ACTN4: variants seen among roughly 807,000 people sequenced by gnomAD.
ACTN4 encodes the protein alpha-actinin-4.
A neutral mutation model predicts 114.2 loss-of-function variants in ACTN4; 18 were observed. The ratio of observed to expected loss-of-function variants is 0.16; its 90% CI spans 0.11 to 0.23. The LOEUF (loss-of-function observed/expected upper bound fraction) is 0.23. Among genes scored for constraint, ACTN4 ranks in the 10% least tolerant of loss-of-function variants. The probability of loss-of-function intolerance (pLI) is 1.00; values close to 1 mark genes in which losing one functional copy is unlikely to be tolerated. For synonymous variants in ACTN4, 515 were observed against 506.3 expected, an observed-to-expected ratio of 1.02 and a Z score of -0.23; for missense variants, 722 against 1,262.9, an observed-to-expected ratio of 0.57 and a Z score of 6.49.
intron 1 of ACTN4, among the ~76,000 whole-genome samples, chr19:38,670,184 G>A (rs1035790555): frequency 6.6e-6 from 1 of 152,148 alleles, no homozygotes; most frequent in African/African-American, 2.4e-5. Flanking sequence ...AGGAAACTTG[G>A]TGTTTCCACT....
intron 5 of ACTN4, among the ~76,000 whole-genome samples, chr19:38,707,475 T>C (rs1312557343): frequency 6.6e-6 from 1 of 152,132 alleles, no homozygotes; most frequent in Non-Finnish European, 1.5e-5. Flanking sequence ...ACATCGAGCT[T>C]GACCTCAGAG....
intron 1 of ACTN4, among the ~76,000 whole-genome samples, chr19:38,654,263 C>T (rs1976648276): frequency 6.6e-6 from 1 of 152,132 alleles, no homozygotes. Flanking sequence ...GATCCCGCCT[C>T]CTCCAGAAAG....
chr19:38,730,598 A>G lies in ACTN4; in HGVS notation c.*1166A>G, dbSNP rs576315249. 2 of 573,040 alleles carry G rather than the reference A, an allele frequency of 3.5e-6. No individual in the cohort carries two copies. Among genetic ancestry groups the G allele is most frequent in the South Asian group, 2.2e-5 (1 of 45,546 alleles). 35.5% of individuals were successfully genotyped at this position (573,040 alleles called of 1,614,324 possible). A position where few individuals can be genotyped will look rare whatever the true frequency, so the allele number is the denominator to read the frequency against. On this transcript the variant is annotated 3_prime_UTR_variant, in exon 21 of 21. Coordinates refer to ENST00000252699, the MANE Select transcript of ACTN4 (RefSeq NM_004924.6). The stretch of plus-strand genomic sequence containing the variant: ...CTCCACCTTCTAGGAGAGCCAGGGC[A>G]GAGCTAGCACTGTCTTAAGCTGTCA...
At chr19:38,692,996 T>G (rs1324013030) in intron 1 of ACTN4, among the ~76,000 whole-genome samples, 1 of 152,300 alleles carries the variant, frequency 6.6e-6, no homozygotes, top group East Asian at 1.9e-4. Context: ...TCCGGGTACC[T>G]GGGGTTGGGG....
At chr19:38,666,523 A>T (rs1966965883) in intron 1 of ACTN4, among the ~76,000 whole-genome samples, 1 of 152,232 alleles carries the variant, frequency 6.6e-6, no homozygotes, top group African/African-American at 2.4e-5. Context: ...AGTCAGCTGC[A>T]TCTCCAGTTG....
At chr19:38,677,355 A>G (rs12327664) in intron 1 of ACTN4, among the ~76,000 whole-genome samples, 27 of 134,180 alleles carry the variant, frequency 2.0e-4, no homozygotes, top group African/African-American at 6.4e-4. Context: ...TATGTATTGA[A>G]TGAATAGATA....
rs551399646 is a variant in ACTN4, at chr19:38,661,605, A to AT, written c.162+13706dup. Among the ~76,000 whole-genome samples, 15 of 152,122 alleles carry AT rather than the reference A, an allele frequency of 9.9e-5. No individual in the cohort carries two copies. The South Asian group carries it at 1.7e-3, about 17-fold the overall frequency. On this transcript the variant is annotated intron_variant, in intron 1 of 20. Coordinates refer to ENST00000252699, the MANE Select transcript of ACTN4 (RefSeq NM_004924.6). ...TTGAAGTTGGAAGCCAGGAAGCCTGATTTTTTTTCCAATAAGTATTGTAGA... is the reference window on the plus strand; with the variant it reads ...TTGAAGTTGGAAGCCAGGAAGCCTGATTTTTTTTTCCAATAAGTATTGTAGA...
chr19:38,705,235 T>C (rs111622170), intron 4 of ACTN4, among the ~76,000 whole-genome samples: 2 of 152,278 alleles, frequency 1.3e-5, no homozygotes, highest in African/African-American at 4.8e-5. Context: ...GTGCCTTTGC[T>C]CTCACAGCCT....
chr19:38,712,249 G>T (rs1320068030), intron 8 of ACTN4, among the ~76,000 whole-genome samples: 8 of 152,074 alleles, frequency 5.3e-5, no homozygotes, highest in South Asian at 2.1e-4. Flanking sequence ...AACTAGAAGG[G>T]GGGGGCCGTA....
Position 38,652,913 on chromosome 19 carries a change from C to T in ACTN4, c.162+5006C>T, listed in dbSNP as rs1426554951. ...CCAGCCTGGCCAACATGGTGAAACC[C>T]CGTCTCTACCAATAATACAAAAATT... On this transcript the variant is annotated intron_variant, in intron 1 of 20. Coordinates refer to ENST00000252699, the MANE Select transcript of ACTN4 (RefSeq NM_004924.6). Among the ~76,000 whole-genome samples, 3 of 151,978 alleles carry T rather than the reference C, an allele frequency of 2.0e-5. No homozygotes were observed. In the East Asian group the frequency reaches 5.8e-4, roughly 29 times the overall value.
At chr19:38,672,575 T>C (rs1320645326) in intron 1 of ACTN4, among the ~76,000 whole-genome samples, 1 of 151,250 alleles carries the variant, frequency 6.6e-6, no homozygotes, top group East Asian at 2.0e-4. Flanking sequence ...TCTTTGTTTG[T>C]TTGTTTGTTT....
In ACTN4 at chr19:38,674,161, CAG is replaced by C. The variant is rs558942179; in HGVS notation, c.162+26255_162+26256del. ...TTGCAATAGATTGTGTGGGAGCTGT[CAG>C]GGGAGACTTTCCAAGATGATGACAG... is the stretch of plus-strand genomic sequence containing the variant. On this transcript the variant is annotated intron_variant, in intron 1 of 20. Coordinates refer to ENST00000252699, the MANE Select transcript of ACTN4 (RefSeq NM_004924.6). Among the ~76,000 whole-genome samples the C allele has an allele frequency of 2.4e-3, 364 of 152,088 alleles. 2 individuals carry two copies. The highest frequency in any genetic ancestry group is 8.3e-3 in the African/African-American group (346 of 41,456).
chr19:38,649,332 T>C (rs1976488394), intron 1 of ACTN4, among the ~76,000 whole-genome samples: 1 of 117,336 alleles, frequency 8.5e-6, no homozygotes, highest in African/African-American at 3.3e-5. Flanking sequence ...CAGGAAGAGC[T>C]AAAGAAAGGA....
intron 1 of ACTN4, among the ~76,000 whole-genome samples, chr19:38,662,420 G>A (rs1396558870): frequency 6.6e-6 from 1 of 152,162 alleles, no homozygotes; most frequent in Non-Finnish European, 1.5e-5. Context: ...AGAGTATAAC[G>A]GAGCAAATGA....
chr19:38,666,875 G>C (rs1966978619), intron 1 of ACTN4, among the ~76,000 whole-genome samples: 1 of 152,106 alleles, frequency 6.6e-6, no homozygotes. Context: ...GGTAGGGACT[G>C]ACTGGGCCCA....
At chr19:38,709,948 C>T (rs1452820105) in intron 7 of ACTN4, among the ~76,000 whole-genome samples, 1 of 152,196 alleles carries the variant, frequency 6.6e-6, no homozygotes, top group Non-Finnish European at 1.5e-5. Flanking sequence ...CCTAGCCATG[C>T]ACTGCCCCAG....
At chr19:38,654,284 G>T (rs1406698908) in intron 1 of ACTN4, among the ~76,000 whole-genome samples, 1 of 152,160 alleles carries the variant, frequency 6.6e-6, no homozygotes, top group Non-Finnish European at 1.5e-5. Context: ...TGAAATCGCC[G>T]GGTGTGGTGG....
Position 38,717,040 on chromosome 19 carries a change from T to C in ACTN4, c.913-46T>C. Reference sequence around the variant, plus strand: ...AAGCTGGGGGGCAGCCCGTCAGCACTCTGAGGGTCCCCCACAAAGGCCACG... The same window carrying C: ...AAGCTGGGGGGCAGCCCGTCAGCACCCTGAGGGTCCCCCACAAAGGCCACG... On this transcript the variant is annotated intron_variant, in intron 9 of 20. Coordinates refer to ENST00000252699, the MANE Select transcript of ACTN4 (RefSeq NM_004924.6). This position sits in a 1 kb window ranked among gnomAD's most constrained non-coding sequence, Gnocchi z 4.0. The C allele has an allele frequency of 6.3e-7, 1 of 1,577,934 alleles. No homozygotes were observed.
At position 38,726,996 on chromosome 19, in the gene ACTN4, G is replaced by C; in HGVS notation, c.2230G>C (p.Ala744Pro). The change falls in exon 18 of 21, where the codon GCC (alanine) becomes CCC (proline). Residue 744 changes from alanine to proline, a missense_variant. Around this residue, in one of 3 missense-constraint regions of ACTN4, gnomAD observed 523 missense variants for 875.9 expected, o/e 0.60. Transcript: ENST00000252699. ...CTGGGAGCAGCTGCTCACCACCATT[G>C]CCCGCACCATCAACGAGGTGGAGAA... ...VGWEQLLTTI[A>P]RTINEVENQI... The C allele has an allele frequency of 6.2e-7, 1 of 1,614,066 alleles. No individual in the cohort carries two copies.
Sources: allele counts gnomAD v4.1 joint callset (sites outside exome capture counted in the v4.1 genomes callset), GRCh38; gene constraint gnomAD v4.1.1; regional missense constraint gnomAD v4.1.1; non-coding constraint Gnocchi (gnomAD v3.1); transcripts MANE v1.5; gene names NCBI Gene and HGNC (gene_info 2026-07-23, HGNC 2026-07-21).